RIMS2: variants seen among roughly 807,000 people sequenced by gnomAD.
The protein encoded by RIMS2 is regulating synaptic membrane exocytosis protein 2.
Under a neutral mutation model 174.4 loss-of-function variants are expected in RIMS2, and 59 were observed. The observed-to-expected ratio is 0.34, with a 90% CI of 0.27 to 0.42. RIMS2 has a LOEUF of 0.42. RIMS2 is among the 10% of genes least tolerant of loss of function. RIMS2 has a pLI of 1.00. For synonymous variants in RIMS2, 606 were observed against 572.5 expected (o/e 1.06, Z -0.84); for missense variants, 1,620 against 1,666.3 (o/e 0.97, Z 0.48).
chr8:103,576,319 A>T (rs951227839), intron 1 of RIMS2, among the ~76,000 whole-genome samples: 13 of 152,240 alleles, frequency 8.5e-5, no homozygotes, highest in African/African-American at 2.7e-4. Context: ...GAAAATCAAC[A>T]TGTAAATCAC....
In RIMS2 at chr8:103,948,916, G is replaced by A. The variant is rs568890101; in HGVS notation, c.2701+5990G>A. 6.0e-5 allele frequency among the ~76,000 whole-genome samples: 9 copies of A among 151,224 alleles called. No homozygotes were observed. In the South Asian group the frequency reaches 1.0e-3, roughly 18 times the overall value. On this transcript the variant is annotated intron_variant, in intron 14 of 23. Coordinates refer to ENST00000504942, the Ensembl canonical transcript of RIMS2. ...TGAGGTGGGAGAATTGATTGAGCCCGAGAGTTCGAGACCAACCTGTACAAC... is the reference window on the plus strand; with the variant it reads ...TGAGGTGGGAGAATTGATTGAGCCCAAGAGTTCGAGACCAACCTGTACAAC...
intron 1 of RIMS2, among the ~76,000 whole-genome samples, chr8:103,662,136 G>C (rs1255849158): frequency 6.6e-6 from 1 of 152,200 alleles, no homozygotes; most frequent in Non-Finnish European, 1.5e-5. Context: ...CTTTAAGAAA[G>C]TTTACAGATT....
intron 3 of RIMS2, among the ~76,000 whole-genome samples, chr8:103,810,311 T>C (rs765927722): frequency 6.6e-6 from 1 of 151,862 alleles, no homozygotes; most frequent in Non-Finnish European, 1.5e-5. Flanking sequence ...CAGGGAAAGA[T>C]AAAAAAGAAA....
chr8:103,726,977 T>C (rs1254285756), intron 2 of RIMS2, among the ~76,000 whole-genome samples: 1 of 151,528 alleles, frequency 6.6e-6, no homozygotes, highest in African/African-American at 2.4e-5. Flanking sequence ...GACCTTGTGA[T>C]CTGCCCACCT....
At chr8:103,643,498 G>A (rs375905578) in intron 1 of RIMS2, among the ~76,000 whole-genome samples, 5 of 152,234 alleles carry the variant, frequency 3.3e-5, no homozygotes, top group African/African-American at 1.2e-4. Flanking sequence ...TCAGTAAAAG[G>A]AGCTTAGGTA....
At chr8:103,753,191 A>G (rs1431955178) in intron 2 of RIMS2, among the ~76,000 whole-genome samples, 2 of 152,126 alleles carry the variant, frequency 1.3e-5, no homozygotes, top group Non-Finnish European at 2.9e-5. Context: ...TATTGAGATA[A>G]TCATGTGGTT....
exon 4 of RIMS2, chr8:103,885,436 A>G (rs1223873892): frequency 4.3e-6 from 7 of 1,612,340 alleles, no homozygotes; most frequent in Non-Finnish European, 3.4e-6. Flanking sequence ...GGCGATCTCA[A>G]CATGAACCTC....
rs768965593 is a variant in RIMS2 at position 104,251,030 on chromosome 8, A to T, written c.3698A>T (p.Tyr1233Phe). Residue 1233 changes from tyrosine (Y) to phenylalanine (F), a missense_variant, in exon 23 of 24, where the codon TAT (tyrosine) becomes TTT (phenylalanine). Coordinates refer to ENST00000504942, the Ensembl canonical transcript of RIMS2. ...CTGTGTTTTCTTTCCCAAGCACCGT[A>T]TGTAAAAGTGTATCTATTAGATAAC... is the stretch of plus-strand genomic sequence containing the variant. The T allele has an allele frequency of 2.5e-6, 4 of 1,612,916 alleles. No individual in the cohort carries two copies. In the African/African-American group the frequency reaches 5.3e-5, roughly 22 times the overall value.
intron 3 of RIMS2, among the ~76,000 whole-genome samples, chr8:103,855,581 AT>A (rs1157458040): frequency 2.0e-5 from 3 of 151,944 alleles, no homozygotes; most frequent in Non-Finnish European, 4.4e-5. Context: ...ATTTGAAAGA[AT>A]TTTTTTTATT....
At position 103,906,009 on chromosome 8, in the gene RIMS2, A is replaced by G. The variant is rs377258341; in HGVS notation, c.1625-4125A>G. Reference sequence around the variant, plus strand: ...GGAAAGCCCAATAATACATTTTTGTACTGTTACTAAAGAAAGATATTTTAT... The same window carrying G: ...GGAAAGCCCAATAATACATTTTTGTGCTGTTACTAAAGAAAGATATTTTAT... On this transcript the variant is annotated intron_variant, in intron 4 of 23. Coordinates refer to ENST00000504942, the Ensembl canonical transcript of RIMS2. 7.9e-5 allele frequency among the ~76,000 whole-genome samples: 12 copies of G among 152,094 alleles called. No homozygotes were observed. In the East Asian group the frequency reaches 1.9e-3, roughly 24 times the overall value.
intron 1 of RIMS2, among the ~76,000 whole-genome samples, chr8:103,575,343 T>C (rs1251631636): frequency 6.6e-6 from 1 of 152,166 alleles, no homozygotes; most frequent in Non-Finnish European, 1.5e-5. Context: ...TTTAGCAGTT[T>C]AAACTAAAGT....
intron 3 of RIMS2, among the ~76,000 whole-genome samples, chr8:103,877,302 A>T (rs12675494): frequency 0.16 from 24,952 of 151,736 alleles, 2,179 homozygotes; most frequent in Middle Eastern, 0.26. Context: ...ATCATTCATG[A>T]TGTTGAGTAT....
intron 1 of RIMS2, among the ~76,000 whole-genome samples, chr8:103,594,267 C>A (rs1056933728): frequency 2.0e-5 from 3 of 151,358 alleles, no homozygotes; most frequent in Non-Finnish European, 3.0e-5. Context: ...CATTTTTATG[C>A]TCTTTGTTGG....
At chr8:103,641,462 G>A (rs1350679980) in intron 1 of RIMS2, among the ~76,000 whole-genome samples, 4 of 151,896 alleles carry the variant, frequency 2.6e-5, no homozygotes, top group Non-Finnish European at 5.9e-5. Context: ...TCAAACACTA[G>A]GTCATATTTC....
intron 12 of RIMS2, 95 bp downstream of exon 14, chr8:103,931,488 T>C: frequency 2.5e-6 from 2 of 803,744 alleles, no homozygotes; most frequent in Non-Finnish European, 3.8e-6. Flanking sequence ...ATTGGTATCA[T>C]ACTAGTGAGA....
chr8:103,795,642 T>C (rs1564669037), intron 3 of RIMS2, among the ~76,000 whole-genome samples: 1 of 151,998 alleles, frequency 6.6e-6, no homozygotes, highest in African/African-American at 2.4e-5. Context: ...TTTATCGTTT[T>C]TCCCACCAGA....
intron 1 of RIMS2, among the ~76,000 whole-genome samples, chr8:103,583,043 G>T (rs1398338047): frequency 6.6e-6 from 1 of 152,236 alleles, no homozygotes; most frequent in Non-Finnish European, 1.5e-5. Flanking sequence ...GGTGGCCACA[G>T]GGGTGATTGT....
At chr8:103,968,366 G>C (rs1428865475) in intron 15 of RIMS2, among the ~76,000 whole-genome samples, 1 of 151,370 alleles carries the variant, frequency 6.6e-6, no homozygotes, top group African/African-American at 2.4e-5. Flanking sequence ...AATATCTACT[G>C]TTTTTGTTAC....
At chr8:104,015,493 G>A (rs1221787863) in intron 19 of RIMS2, 1 of 652,602 alleles carries the variant, frequency 1.5e-6, no homozygotes. Context: ...TGTGCTAACA[G>A]CCTTTTTGGG....
Sources: gnomAD v4.1 joint callset for allele counts (sites outside exome capture counted in the v4.1 genomes callset) on GRCh38, gnomAD v4.1.1 for gene constraint, MANE v1.5 for transcripts, NCBI Gene and HGNC (gene_info 2026-07-23, HGNC 2026-07-21) for gene names.